VDAC1: variants seen among roughly 807,000 people sequenced by gnomAD.
The protein encoded by VDAC1 is voltage dependent anion channel 1.
Under a neutral mutation model 34.7 loss-of-function variants are expected in VDAC1, and 10 were observed. The ratio of observed to expected loss-of-function variants is 0.29; its 90% CI spans 0.18 to 0.49. The LOEUF (loss-of-function observed/expected upper bound fraction) is 0.49, where lower values mean the gene tolerates loss of function less well. VDAC1 is among the 20% of genes least tolerant of loss of function. VDAC1 has a pLI of 0.99. For missense variants in VDAC1, 230 were observed against 347.9 expected, an observed-to-expected ratio of 0.66 and a Z score of 2.69; for synonymous variants, 130 against 136.0, an observed-to-expected ratio of 0.96 and a Z score of 0.30.
the VDAC1 span, among the ~76,000 whole-genome samples, chr5:134,084,300 C>A: frequency 6.6e-6 from 1 of 152,164 alleles, no homozygotes; most frequent in Non-Finnish European, 1.5e-5. Flanking sequence ...AGGGCCTCCT[C>A]CTCTGAAAGG....
At chr5:134,073,995 T>C in the VDAC1 span, among the ~76,000 whole-genome samples, 4 of 152,142 alleles carry the variant, frequency 2.6e-5, no homozygotes, top group East Asian at 5.8e-4. Context: ...GTATTATATA[T>C]GTCACTGAAA....
chr5:134,096,236 G>A, the VDAC1 span, among the ~76,000 whole-genome samples: 38 of 152,362 alleles, frequency 2.5e-4, no homozygotes, highest in African/African-American at 7.7e-4. Context: ...TGACACTGCC[G>A]AGGGCAATGA....
At chr5:134,090,940 A>G in the VDAC1 span, among the ~76,000 whole-genome samples, 2 of 152,190 alleles carry the variant, frequency 1.3e-5, no homozygotes, top group African/African-American at 4.8e-5. Context: ...ATCCAACTGC[A>G]GTGGCTCAGA....
the VDAC1 span, among the ~76,000 whole-genome samples, chr5:134,101,314 G>A: frequency 6.6e-6 from 1 of 152,178 alleles, no homozygotes; most frequent in Admixed American, 6.5e-5. Flanking sequence ...GATTGGCCAG[G>A]CGCGGTGGCT....
the VDAC1 span, among the ~76,000 whole-genome samples, chr5:134,078,430 C>T: frequency 2.6e-5 from 4 of 152,068 alleles, no homozygotes. Context: ...ACACAAGGCC[C>T]AGGAGGACAG....
chr5:134,035,403 T>G, the VDAC1 span, among the ~76,000 whole-genome samples: 1 of 152,124 alleles, frequency 6.6e-6, no homozygotes, highest in East Asian at 1.9e-4. Flanking sequence ...AACAAAACCC[T>G]GCTAATTTTT....
At chr5:134,073,500 C>T in the VDAC1 span, among the ~76,000 whole-genome samples, 2 of 152,330 alleles carry the variant, frequency 1.3e-5, no homozygotes, top group Admixed American at 1.3e-4. Flanking sequence ...TATTATTTTA[C>T]CCTTTACTTG....
the VDAC1 span, among the ~76,000 whole-genome samples, chr5:134,094,376 C>G: frequency 1.3e-5 from 2 of 152,134 alleles, no homozygotes; most frequent in Admixed American, 6.5e-5. Flanking sequence ...ATATCAAACT[C>G]TGGTCGGTTA....
the VDAC1 span, among the ~76,000 whole-genome samples, chr5:134,020,938 G>T: frequency 6.6e-6 from 1 of 151,376 alleles, no homozygotes; most frequent in Non-Finnish European, 1.5e-5. Flanking sequence ...TGGGAGGATT[G>T]CTTGAGCCCA....
chr5:134,112,443 T>A, the VDAC1 span, among the ~76,000 whole-genome samples: 1 of 152,204 alleles, frequency 6.6e-6, no homozygotes, highest in Non-Finnish European at 1.5e-5. Flanking sequence ...TGTGGATGCC[T>A]GTGACTCAGC....
chr5:134,051,230 C>T, the VDAC1 span, among the ~76,000 whole-genome samples: 30 of 152,348 alleles, frequency 2.0e-4, no homozygotes, highest in African/African-American at 7.2e-4. Context: ...AACTCCAACT[C>T]TCCCACAGCC....
the VDAC1 span, among the ~76,000 whole-genome samples, chr5:134,018,338 G>T: frequency 6.6e-6 from 1 of 152,176 alleles, no homozygotes. Context: ...TTACCTTGCG[G>T]AGGGCACCAA....
chr5:134,015,528 A>C, the VDAC1 span, among the ~76,000 whole-genome samples: 1 of 152,200 alleles, frequency 6.6e-6, no homozygotes, highest in African/African-American at 2.4e-5. Context: ...GCATTTTGTC[A>C]TAGCAGTCTG....
chr5:134,092,698 G>A, the VDAC1 span, among the ~76,000 whole-genome samples: 2 of 151,004 alleles, frequency 1.3e-5, no homozygotes, highest in African/African-American at 2.4e-5. Context: ...AAAAAGATGT[G>A]TTGGTTTCCT....
At chr5:134,049,698 G>A in the VDAC1 span, among the ~76,000 whole-genome samples, 1,002 of 152,156 alleles carry the variant, frequency 6.6e-3, 20 homozygotes, top group East Asian at 0.08. Flanking sequence ...TCCTGTCTCA[G>A]CCTCCCAAGT....
chr5:133,972,948 G>A (rs1752353824), intron 8 of VDAC1, 86 bp from the exon 9 acceptor site: 1 of 1,165,394 alleles, frequency 8.6e-7, no homozygotes, highest in East Asian at 2.4e-5. Flanking sequence ...TTCAGAACCT[G>A]TTCCAGGTAT....
the VDAC1 span, among the ~76,000 whole-genome samples, chr5:134,073,488 C>T: frequency 3.9e-5 from 6 of 152,190 alleles, no homozygotes; most frequent in African/African-American, 1.4e-4. Flanking sequence ...TTGAGGAAGA[C>T]ATATTATTTT....
the VDAC1 span, among the ~76,000 whole-genome samples, chr5:134,063,489 G>A: frequency 6.6e-6 from 1 of 152,238 alleles, no homozygotes; most frequent in South Asian, 2.1e-4. Flanking sequence ...TTTGGCCAAT[G>A]AGACATTAGC....
chr5:134,068,967 TGTG>T, the VDAC1 span, among the ~76,000 whole-genome samples: 2 of 3,028 alleles, frequency 6.6e-4, no homozygotes, highest in East Asian at 7.5e-3. Flanking sequence ...GGGAGGTGAC[TGTG>T]TGTGTGTGTG....
Sources: gnomAD v4.1 joint callset for allele counts (sites outside exome capture counted in the v4.1 genomes callset) on GRCh38, gnomAD v4.1.1 for gene constraint, MANE v1.5 for transcripts, NCBI Gene and HGNC (gene_info 2026-07-23, HGNC 2026-07-21) for gene names.